Variants in ZNF585B observed in about 807,000 individuals in gnomAD.
The protein encoded by ZNF585B is zinc finger protein 41-like protein.
Under a neutral mutation model 14.0 loss-of-function variants are expected in ZNF585B, and 7 were observed. That is an observed-to-expected ratio of 0.50 (90% CI 0.28 to 0.94). The LOEUF is 0.94. Among genes scored for constraint, ZNF585B ranks in the 40% least tolerant of loss-of-function variants. The probability of loss-of-function intolerance (pLI) is 0.09; values close to 1 mark genes in which losing one functional copy is unlikely to be tolerated. For missense variants in ZNF585B, 750 were observed against 924.4 expected (o/e 0.81, Z 2.45); for synonymous variants, 290 against 317.3 (o/e 0.91, Z 0.91).
chr19:37,194,827 G>A (rs1972442762), intron 2 of ZNF585B, among the ~76,000 whole-genome samples: 1 of 151,802 alleles, frequency 6.6e-6, no homozygotes, highest in African/African-American at 2.4e-5. Flanking sequence ...CCATACCCTA[G>A]GCTATAAAAC....
In ZNF585B at chr19:37,184,504, G is replaced by GAAAGAAAGAA. The variant is rs1555778305; in HGVS notation, c.*722_*723insTTCTTTCTTT. ...AGAAAGAAAGAAAGAAAGAAAGAAA[G>GAAAGAAAGAA]AGAAAGAAAGAAAGAAAAAGAAAAA... On this transcript the variant is annotated 3_prime_UTR_variant, in exon 5 of 5. Transcript: ENST00000532828. The GAAAGAAAGAA allele has an allele frequency of 7.2e-6, 1 of 139,000 alleles. No individual in the cohort carries two copies. The highest frequency in any genetic ancestry group is 2.7e-5 in the African/African-American group (1 of 37,630). 8.6% of individuals were successfully genotyped at this position (139,000 alleles called of 1,614,324 possible). A position where few individuals can be genotyped will look rare whatever the true frequency, so the allele number is the denominator to read the frequency against.
chr19:37,198,492 C>A (rs1972494115), intron 2 of ZNF585B, among the ~76,000 whole-genome samples: 2 of 152,074 alleles, frequency 1.3e-5, no homozygotes. Context: ...TTTACAAGCA[C>A]TTTGGGAGGC....
At chr19:37,194,921 A>T (rs1972443998) in intron 2 of ZNF585B, among the ~76,000 whole-genome samples, 1 of 152,206 alleles carries the variant, frequency 6.6e-6, no homozygotes. Flanking sequence ...GAAAGACCAC[A>T]GAAAAGTCTC....
At position 37,184,812 on chromosome 19, in the gene ZNF585B, CAGA is replaced by C; in HGVS notation, c.*412_*414del. The C allele has an allele frequency of 2.5e-6, 1 of 406,998 alleles. No homozygotes were observed. Among genetic ancestry groups the C allele is most frequent in the Non-Finnish European group, 4.3e-6 (1 of 230,040 alleles). The allele number at this position is 406,998 out of a possible 1,614,324, so 25.2% of individuals were successfully genotyped here. A position where few individuals can be genotyped will look rare whatever the true frequency, so the allele number is the denominator to read the frequency against. On this transcript the variant is annotated 3_prime_UTR_variant, in exon 5 of 5. Coordinates refer to ENST00000532828, the MANE Select transcript of ZNF585B (RefSeq NM_152279.4). ...AGTGTGTTCTGGAACAAACAACTCACAGAAGGATTCATCACTATCATATATATT... is the reference window on the plus strand; with the variant it reads ...AGTGTGTTCTGGAACAAACAACTCACAGGATTCATCACTATCATATATATT...
At chr19:37,191,307 C>A (rs948767098) in intron 2 of ZNF585B, among the ~76,000 whole-genome samples, 2 of 152,018 alleles carry the variant, frequency 1.3e-5, no homozygotes, top group Non-Finnish European at 2.9e-5. Context: ...GTGGCTCACG[C>A]CTGTAATCCA....
chr19:37,206,957 C>T, intron 2 of ZNF585B, 83 bp downstream of exon 2: 10 of 1,559,020 alleles, frequency 6.4e-6, no homozygotes, highest in Non-Finnish European at 8.8e-6. Flanking sequence ...GGCCTGTCTG[C>T]CTCTGCCCTA....
At chr19:37,191,580 G>A (rs532969324) in intron 2 of ZNF585B, among the ~76,000 whole-genome samples, 5 of 150,766 alleles carry the variant, frequency 3.3e-5, no homozygotes, top group East Asian at 3.9e-4. Context: ...ATTATGCCAC[G>A]GCACTCCAGC....
chr19:37,189,483 G>A, intron 4 of ZNF585B, 178 bp downstream of exon 4: 1 of 616,548 alleles, frequency 1.6e-6, no homozygotes, highest in Non-Finnish European at 2.8e-6. Context: ...CAACAAGGAA[G>A]GTCATCCAGG....
At chr19:37,196,829 T>C (rs1972469970) in intron 2 of ZNF585B, among the ~76,000 whole-genome samples, 1 of 152,206 alleles carries the variant, frequency 6.6e-6, no homozygotes, top group Non-Finnish European at 1.5e-5. Context: ...TAACCAACTC[T>C]TTGCTATCGG....
rs753516472 is a variant in ZNF585B at position 37,186,225 on chromosome 19, A to G, written c.1312T>C (p.Tyr438His). The change falls in exon 5 of 5, where the codon TAT (tyrosine) becomes CAT (histidine). Residue 438 changes from tyrosine (Y) to histidine (H), a missense_variant. Transcript: ENST00000532828. ...HQIIHTGEKP[Y>H]KCGHCGKLFT... is the part of the protein sequence containing the mutation. The stretch of plus-strand genomic sequence containing the variant: ...AATTTCCCACAGTGACCACATTTAT[A>G]AGGTTTCTCTCCAGTATGAATTATT... 53 of 1,614,208 alleles carry G rather than the reference A, an allele frequency of 3.3e-5. No individual in the cohort carries two copies. The highest frequency in any genetic ancestry group is 1.8e-4 in the East Asian group (8 of 44,880).
Position 37,187,216 on chromosome 19 carries a change from A to C in ZNF585B, c.321T>G (p.His107Gln). The C allele has an allele frequency of 6.2e-7, 1 of 1,610,154 alleles. No homozygotes were observed. The highest frequency in any genetic ancestry group is 8.5e-7 in the Non-Finnish European group (1 of 1,178,816). ...CTGGTTTATAACCGATGATTTTTCT[A>C]TGTTGATTATGGTCCCATAATTTCT... Reference protein sequence around the residue: ...PGEKLWDHNQHRKIIGYKPAS... With the variant: ...PGEKLWDHNQQRKIIGYKPAS... The change falls in exon 5 of 5, where the codon CAT becomes CAG. Residue 107 changes from histidine (H) to glutamine (Q), a missense_variant. Transcript: ENST00000532828.
intron 2 of ZNF585B, among the ~76,000 whole-genome samples, chr19:37,201,964 A>C (rs1056133951): frequency 2.6e-5 from 4 of 152,166 alleles, no homozygotes; most frequent in Non-Finnish European, 5.9e-5. Flanking sequence ...ATGAGAAAAC[A>C]GTGCTTGCTT....
intron 2 of ZNF585B, among the ~76,000 whole-genome samples, chr19:37,192,506 C>CA (rs373034059): frequency 0.28 from 36,064 of 127,590 alleles, 4,804 homozygotes; most frequent in Middle Eastern, 0.39. Context: ...GAACCTGTCT[C>CA]AAAAAAAAAA....
In ZNF585B at chr19:37,183,645, T is replaced by C. The variant is rs1299482915; in HGVS notation, c.*1582A>G. ...ACAAGCCACAGATAAAATAAAGAAT[T>C]GTGCTCTTTGCAACGGGCACTGCAA... On this transcript the variant is annotated 3_prime_UTR_variant, in exon 5 of 5. Transcript: ENST00000532828. 1 of 152,124 alleles carries C rather than the reference T, an allele frequency of 6.6e-6. No individual in the cohort carries two copies. The highest frequency in any genetic ancestry group is 1.9e-4 in the East Asian group (1 of 5,180). 9.4% of individuals were successfully genotyped at this position (152,124 alleles called of 1,614,324 possible). A position where few individuals can be genotyped will look rare whatever the true frequency, so the allele number is the denominator to read the frequency against.
chr19:37,192,537 G>A (rs10408824), intron 2 of ZNF585B, among the ~76,000 whole-genome samples: 5,866 of 151,130 alleles, frequency 0.039, 350 homozygotes, highest in African/African-American at 0.13. Context: ...AAGGCCGGGC[G>A]CAGTGGCTCA....
intron 1 of ZNF585B, among the ~76,000 whole-genome samples, chr19:37,208,821 G>C (rs979982447): frequency 3.3e-5 from 5 of 152,052 alleles, no homozygotes; most frequent in Non-Finnish European, 5.9e-5. Context: ...GCGAAACGCT[G>C]TCTCTACTAA....
At chr19:37,196,246 G>C (rs1465819636) in intron 2 of ZNF585B, among the ~76,000 whole-genome samples, 1 of 152,112 alleles carries the variant, frequency 6.6e-6, no homozygotes, top group Non-Finnish European at 1.5e-5. Flanking sequence ...ATCCAGCAAT[G>C]AATAAAAAGA....
At chr19:37,190,484 CCTTGTGAT>C (rs1362309123) in intron 2 of ZNF585B, 7 of 177,220 alleles carry the variant, frequency 3.9e-5, no homozygotes, top group Non-Finnish European at 8.3e-5. Flanking sequence ...GACCTTGTGA[CCTTGTGAT>C]CCGCCCACCT....
rs1972596095 is a variant in ZNF585B at position 37,207,225 on chromosome 19, C to T, written c.-114G>A. The T allele has an allele frequency of 6.5e-7, 1 of 1,534,554 alleles. No homozygotes were observed. The highest frequency in any genetic ancestry group is 8.7e-7 in the Non-Finnish European group (1 of 1,144,102). On this transcript the variant is annotated 5_prime_UTR_variant, in exon 2 of 5. Transcript: ENST00000532828. ...GGCTGGAGTCTGGAGGAAGGTCTGG[C>T]CCAGGGACTCCCCAGAGACACCCAA... is the stretch of plus-strand genomic sequence containing the variant.
Sources: allele counts gnomAD v4.1 joint callset (sites outside exome capture counted in the v4.1 genomes callset), GRCh38; gene constraint gnomAD v4.1.1; transcripts MANE v1.5; gene names NCBI Gene and HGNC (gene_info 2026-07-23, HGNC 2026-07-21).